The following MPZL3 variants were observed in gnomAD, a reference collection of about 807,000 sequenced individuals.
The protein encoded by MPZL3 is myelin protein zero like 3.
A neutral mutation model predicts 24.8 loss-of-function variants in MPZL3; 23 were observed. The ratio of observed to expected loss-of-function variants is 0.93; its 90% CI spans 0.67 to 1.31. The LOEUF is 1.31. Among genes scored for constraint, MPZL3 ranks in the 40% most tolerant of loss-of-function variants. The pLI, the probability that MPZL3 is intolerant of heterozygous loss-of-function variation, is 0.00. For synonymous variants in MPZL3, 99 were observed against 106.5 expected (o/e 0.93, Z 0.44); for missense variants, 277 against 294.9 (o/e 0.94, Z 0.44).
chr11:118,239,641 A>G (rs1352763493), intron 2 of MPZL3, among the ~76,000 whole-genome samples: 2 of 152,184 alleles, frequency 1.3e-5, no homozygotes, highest in African/African-American at 4.8e-5. Flanking sequence ...ATTGCTTCCA[A>G]TATTGCAAGA....
intron 5 of MPZL3, among the ~76,000 whole-genome samples, chr11:118,231,364 C>T (rs1045912699): frequency 1.3e-5 from 2 of 152,162 alleles, no homozygotes; most frequent in Admixed American, 1.3e-4. Flanking sequence ...AGCCTCTTTA[C>T]TAATAATTCC....
In MPZL3 at chr11:118,235,389, A is replaced by C. The variant is rs891226038; in HGVS notation, c.617+35T>G. 3 of 1,609,766 alleles carry C rather than the reference A, an allele frequency of 1.9e-6. No individual in the cohort carries two copies. The Admixed American group carries it at 5.0e-5, about 27-fold the overall frequency. ...GTCTGGGTAGAGCGCTAAGGAGGAAACAGGCTTGCTGCCCAGGGCTCCTGC... is the reference window on the plus strand; with the variant it reads ...GTCTGGGTAGAGCGCTAAGGAGGAACCAGGCTTGCTGCCCAGGGCTCCTGC... On this transcript the variant is annotated intron_variant, in intron 4 of 5. Coordinates refer to ENST00000278949, the MANE Select transcript of MPZL3 (RefSeq NM_198275.3).
At chr11:118,232,387 T>C (rs1949365316) in intron 5 of MPZL3, among the ~76,000 whole-genome samples, 1 of 152,152 alleles carries the variant, frequency 6.6e-6, no homozygotes, top group African/African-American at 2.4e-5. Context: ...CTATATATTT[T>C]ACTTATTTTT....
At chr11:118,250,442 T>C (rs964215369) in intron 1 of MPZL3, among the ~76,000 whole-genome samples, 38 of 152,102 alleles carry the variant, frequency 2.5e-4, no homozygotes, top group African/African-American at 2.4e-5. Flanking sequence ...TTTGGGGTGA[T>C]GAAAATGTTC....
At chr11:118,250,826 C>A (rs1243167906) in intron 1 of MPZL3, among the ~76,000 whole-genome samples, 2 of 152,202 alleles carry the variant, frequency 1.3e-5, no homozygotes, top group East Asian at 3.9e-4. Flanking sequence ...CTCAGGTGAT[C>A]CAGCTGCCTC....
intron 5 of MPZL3, 105 bp downstream of exon 5, chr11:118,233,355 C>T: frequency 7.8e-7 from 1 of 1,278,750 alleles, no homozygotes. Flanking sequence ...TTGCTTGGAC[C>T]TACCTGCATA....
chr11:118,245,011 G>C (rs1949542342), intron 1 of MPZL3, among the ~76,000 whole-genome samples: 1 of 152,162 alleles, frequency 6.6e-6, no homozygotes, highest in Non-Finnish European at 1.5e-5. Flanking sequence ...GGGAGGCAGA[G>C]CTTGCCGTGA....
At chr11:118,237,374 T>G (rs1047391923) in intron 2 of MPZL3, 114 bp from the exon 3 acceptor site, 1 of 928,324 alleles carries the variant, frequency 1.1e-6, no homozygotes, top group African/African-American at 1.7e-5. Context: ...TTTTTTCAGT[T>G]GGGCAACTTT....
intron 1 of MPZL3, among the ~76,000 whole-genome samples, chr11:118,250,486 G>C (rs561860968): frequency 1.2e-3 from 182 of 152,184 alleles, no homozygotes; most frequent in Non-Finnish European, 1.6e-3. Flanking sequence ...GCATAACTGT[G>C]AATATACTAA....
chr11:118,239,863 T>G (rs914766513), intron 2 of MPZL3, among the ~76,000 whole-genome samples: 1 of 152,218 alleles, frequency 6.6e-6, no homozygotes, highest in East Asian at 1.9e-4. Flanking sequence ...ACTGGACCCA[T>G]AGAATTTTTC....
At chr11:118,241,148 A>G (rs1208343657) in intron 1 of MPZL3, among the ~76,000 whole-genome samples, 5 of 152,084 alleles carry the variant, frequency 3.3e-5, no homozygotes, top group African/African-American at 2.4e-5. Context: ...AAGGGCTGGC[A>G]CTTTGTTCTA....
chr11:118,241,884 T>C (rs1053087861), intron 1 of MPZL3, among the ~76,000 whole-genome samples: 3 of 152,230 alleles, frequency 2.0e-5, no homozygotes, highest in Non-Finnish European at 4.4e-5. Context: ...TATGGCACCC[T>C]TTCCGACTTT....
chr11:118,247,857 A>T (rs1949572727), intron 1 of MPZL3, among the ~76,000 whole-genome samples: 1 of 152,100 alleles, frequency 6.6e-6, no homozygotes, highest in African/African-American at 2.4e-5. Flanking sequence ...CTTCATCTCC[A>T]GGAAATCTTT....
rs1387469741 is a variant in MPZL3 at position 118,226,908 on chromosome 11, A to ATAGT, written c.*2982_*2985dup. 4 of 152,254 alleles carry ATAGT rather than the reference A, an allele frequency of 2.6e-5. No homozygotes were observed. Among genetic ancestry groups the ATAGT allele is most frequent in the Admixed American group, 2.0e-4 (3 of 15,290 alleles). 9.4% of individuals were successfully genotyped at this position (152,254 alleles called of 1,614,324 possible). ...AAGTTTCAAGTTGTGCAATTAAATA[A>ATAGT]TAGTCTTGGTCCACTCCTTGTGGGT... On this transcript the variant is annotated 3_prime_UTR_variant, in exon 6 of 6. Coordinates refer to ENST00000278949, the MANE Select transcript of MPZL3 (RefSeq NM_198275.3).
chr11:118,245,726 C>T (rs372783977), intron 1 of MPZL3, among the ~76,000 whole-genome samples: 1 of 152,298 alleles, frequency 6.6e-6, no homozygotes, highest in East Asian at 1.9e-4. Flanking sequence ...AGCAACTGAC[C>T]TTGCCGCTAG....
chr11:118,247,426 C>G (rs940115602), intron 1 of MPZL3, among the ~76,000 whole-genome samples: 5 of 152,106 alleles, frequency 3.3e-5, no homozygotes, highest in South Asian at 2.1e-4. Flanking sequence ...TGCAAATACT[C>G]CTACCATGGT....
intron 5 of MPZL3, among the ~76,000 whole-genome samples, chr11:118,233,129 G>C (rs1239757738): frequency 1.3e-5 from 2 of 152,150 alleles, no homozygotes; most frequent in East Asian, 1.9e-4. Flanking sequence ...TCAGGGTCGA[G>C]TCCAGCCAGT....
intron 4 of MPZL3, 93 bp downstream of exon 4, chr11:118,235,331 C>G: frequency 2.8e-6 from 4 of 1,414,710 alleles, no homozygotes; most frequent in Non-Finnish European, 2.9e-6. Context: ...GAACTAAACT[C>G]GGTCCAGAAG....
chr11:118,234,742 TAC>T (rs1029838253), intron 4 of MPZL3, among the ~76,000 whole-genome samples: 6 of 111,500 alleles, frequency 5.4e-5, no homozygotes, highest in African/African-American at 5.5e-5. Context: ...CACACACACA[TAC>T]ACACACACAC....
Sources: gnomAD v4.1 joint callset for allele counts (sites outside exome capture counted in the v4.1 genomes callset) on GRCh38, gnomAD v4.1.1 for gene constraint, MANE v1.5 for transcripts, NCBI Gene and HGNC (gene_info 2026-07-23, HGNC 2026-07-21) for gene names.